The following HMCN1 variants were observed in gnomAD, a reference collection of about 807,000 sequenced individuals.
HMCN1 encodes the protein hemicentin 1.
Under a neutral mutation model 625.9 loss-of-function variants are expected in HMCN1, and 321 were observed. The observed-to-expected ratio is 0.51, with a 90% CI of 0.47 to 0.56. The LOEUF (loss-of-function observed/expected upper bound fraction) is 0.56, where lower values mean the gene tolerates loss of function less well. HMCN1 is among the 20% of genes least tolerant of loss of function. The probability of loss-of-function intolerance (pLI) is 0.00; values close to 1 mark genes in which losing one functional copy is unlikely to be tolerated. For synonymous variants in HMCN1, 2,425 were observed against 2,417.6 expected (o/e 1.00, Z -0.09); for missense variants, 6,588 against 6,887.3 (o/e 0.96, Z 1.54).
rs575996609 is a variant in HMCN1 at position 186,033,883 on chromosome 1, A to AT, written c.5750-4041dup. 2.7e-3 allele frequency among the ~76,000 whole-genome samples: 402 copies of AT among 147,294 alleles called. 5 individuals are homozygous for AT. Among genetic ancestry groups the AT allele is most frequent in the South Asian group, 0.02 (93 of 4,672 alleles). Reference sequence around the variant, plus strand: ...TTCTCTCCTCATGGTTTTTATTGTCATTTTTTTTTTGTTGCTGGTTTTCAT... The same window carrying AT: ...TTCTCTCCTCATGGTTTTTATTGTCATTTTTTTTTTTGTTGCTGGTTTTCAT... On this transcript the variant is annotated intron_variant, in intron 36 of 106. Transcript: ENST00000271588.
At chr1:185,878,697 G>T (rs574738510) in intron 4 of HMCN1, among the ~76,000 whole-genome samples, 1 of 152,064 alleles carries the variant, frequency 6.6e-6, no homozygotes, top group East Asian at 1.9e-4. Flanking sequence ...CATTTTTACA[G>T]TACTTCTCTC....
chr1:185,787,687 C>G (rs1204320653), intron 1 of HMCN1, among the ~76,000 whole-genome samples: 1 of 152,118 alleles, frequency 6.6e-6, no homozygotes, highest in Admixed American at 6.5e-5. Flanking sequence ...TGTATTTTAC[C>G]TGTGTATCTC....
At chr1:185,868,395 C>A (rs756922914) in intron 4 of HMCN1, among the ~76,000 whole-genome samples, 2 of 152,266 alleles carry the variant, frequency 1.3e-5, no homozygotes, top group South Asian at 4.2e-4. Flanking sequence ...TTCCCATAAT[C>A]CCCACATGTC....
At chr1:185,788,274 A>G (rs1041261984) in intron 1 of HMCN1, among the ~76,000 whole-genome samples, 7 of 152,386 alleles carry the variant, frequency 4.6e-5, no homozygotes, top group Non-Finnish European at 2.9e-5. Flanking sequence ...TAAAATTGTC[A>G]GTTCAACACA....
At chr1:185,780,417 T>G (rs1656983354) in intron 1 of HMCN1, among the ~76,000 whole-genome samples, 1 of 152,204 alleles carries the variant, frequency 6.6e-6, no homozygotes, top group South Asian at 2.1e-4. Context: ...GGCATCCCTG[T>G]CTTGTGCCAG....
At chr1:185,976,177 G>A (rs923557827) in intron 15 of HMCN1, among the ~76,000 whole-genome samples, 2 of 152,138 alleles carry the variant, frequency 1.3e-5, no homozygotes, top group Non-Finnish European at 2.9e-5. Context: ...CAACTGGTAA[G>A]AGATGGCATC....
chr1:185,922,124 A>T (rs1667033444), intron 6 of HMCN1, among the ~76,000 whole-genome samples: 1 of 152,104 alleles, frequency 6.6e-6, no homozygotes, highest in Non-Finnish European at 1.5e-5. Flanking sequence ...TAGTGACTAA[A>T]CCCTTACATC....
chr1:186,182,352 GT>G lies in HMCN1; in HGVS notation c.16414+73del, dbSNP rs542413185. The G allele has an allele frequency of 6.8e-4, 1,086 of 1,591,324 alleles. 3 individuals carry two copies. The highest frequency in any genetic ancestry group is 8.4e-4 in the Non-Finnish European group (981 of 1,161,490). The stretch of plus-strand genomic sequence containing the variant: ...TAAAAACCAACAGAGAGTGTGAGAA[GT>G]TTTTTTTCAATAATCATTCTCCTAG... On this transcript the variant is annotated intron_variant, in intron 105 of 106. Transcript: ENST00000271588.
At chr1:185,978,437 C>A (rs1407824560) in intron 16 of HMCN1, among the ~76,000 whole-genome samples, 1 of 152,092 alleles carries the variant, frequency 6.6e-6, no homozygotes, top group Non-Finnish European at 1.5e-5. Flanking sequence ...AGCAAAAGAT[C>A]CCTGCCACCC....
At chr1:185,757,408 A>G (rs1203846361) in intron 1 of HMCN1, among the ~76,000 whole-genome samples, 2 of 152,108 alleles carry the variant, frequency 1.3e-5, no homozygotes, top group African/African-American at 2.4e-5. Flanking sequence ...ATGCCATGTT[A>G]TATGCAGCTC....
chr1:186,007,402 G>A lies in HMCN1; in HGVS notation c.4630+120G>A, dbSNP rs1013490326. On this transcript the variant is annotated intron_variant, in intron 30 of 106. Coordinates refer to ENST00000271588, the MANE Select transcript of HMCN1 (RefSeq NM_031935.3). The stretch of plus-strand genomic sequence containing the variant: ...TAATTTGGAATACTACATACTTCAA[G>A]AGAAGAAGGAGCTTATCTTCATGTG... 8.1e-6 allele frequency: 7 copies of A among 864,678 alleles called. No individual in the cohort carries two copies. In the African/African-American group the frequency reaches 1.0e-4, roughly 13 times the overall value. 53.6% of individuals were successfully genotyped at this position (864,678 alleles called of 1,614,324 possible).
intron 1 of HMCN1, among the ~76,000 whole-genome samples, chr1:185,757,011 G>C (rs765124708): frequency 4.6e-5 from 7 of 152,054 alleles, no homozygotes; most frequent in Non-Finnish European, 7.4e-5. Context: ...TTTCACTCTT[G>C]TTGCCCAGGC....
intron 2 of HMCN1, among the ~76,000 whole-genome samples, chr1:185,863,297 C>T (rs1179597119): frequency 6.6e-6 from 1 of 152,138 alleles, no homozygotes; most frequent in Non-Finnish European, 1.5e-5. Flanking sequence ...GGTATTTTAG[C>T]TTATTTGTTG....
intron 4 of HMCN1, among the ~76,000 whole-genome samples, chr1:185,877,321 C>CTTTTTTT (rs71557837): frequency 1.4e-4 from 5 of 34,872 alleles, no homozygotes; most frequent in East Asian, 1.4e-3. Context: ...ATGTGTCTTT[C>CTTTTTTT]TTTTTTTTTT....
At position 185,744,786 on chromosome 1, in the gene HMCN1, CA is replaced by C. The variant is rs557435796; in HGVS notation, c.268+9740del. On this transcript the variant is annotated intron_variant, in intron 1 of 106. Transcript: ENST00000271588. Reference sequence around the variant, plus strand: ...CATGAATAAAAGCAGTTTAATCAAACATTGAGGAGTTTGGATTTCATCCTGA... The same window carrying C: ...CATGAATAAAAGCAGTTTAATCAAACTTGAGGAGTTTGGATTTCATCCTGA... Among the ~76,000 whole-genome samples, 223 of 152,244 alleles carry C rather than the reference CA, an allele frequency of 1.5e-3. 1 individual carries two copies. Among genetic ancestry groups the C allele is most frequent in the African/African-American group, 5.2e-3 (217 of 41,546 alleles).
At chr1:185,804,107 A>AT (rs1557982175) in intron 1 of HMCN1, among the ~76,000 whole-genome samples, 1 of 152,026 alleles carries the variant, frequency 6.6e-6, no homozygotes, top group Non-Finnish European at 1.5e-5. Flanking sequence ...TACTAGTCAG[A>AT]TTTTTTTAAA....
At chr1:186,148,935 C>CTTTTTTTTTTTTTTTT (rs57126500) in intron 93 of HMCN1, among the ~76,000 whole-genome samples, 1 of 143,304 alleles carries the variant, frequency 7.0e-6, no homozygotes, top group Non-Finnish European at 1.5e-5. Context: ...TGAAAGGAAT[C>CTTTTTTTTTTTTTTTT]TTTTTTTTTT....
In HMCN1 at chr1:186,115,299, A is replaced by C. The variant is rs370349815; in HGVS notation, c.11446A>C (p.Ile3816Leu). 10 of 1,613,920 alleles carry C rather than the reference A, an allele frequency of 6.2e-6. No individual in the cohort carries two copies. In the African/African-American group the frequency reaches 1.2e-4, roughly 19 times the overall value. ...IAPGPTNMTV[I>L]VNVQTTLACE... ...TCCGGGTCCTACCAACATGACTGTA[A>C]TAGTAAATGTTCAAACTACTCTGGC... is the stretch of plus-strand genomic sequence containing the variant. The change falls in exon 75 of 107, where the codon ATA (isoleucine) becomes CTA (leucine). Residue 3816 changes from isoleucine to leucine, a missense_variant. Around this residue, in one of 3 missense-constraint regions of HMCN1, gnomAD observed 4,628 missense variants for 4,853.1 expected, o/e 0.95. Coordinates refer to ENST00000271588, the MANE Select transcript of HMCN1 (RefSeq NM_031935.3).
intron 1 of HMCN1, among the ~76,000 whole-genome samples, chr1:185,830,042 C>G (rs1162292535): frequency 6.6e-6 from 1 of 152,082 alleles, no homozygotes; most frequent in Non-Finnish European, 1.5e-5. Context: ...GCATAAATGT[C>G]TTCTTTGGAG....
Sources: gnomAD v4.1 joint callset for allele counts (sites outside exome capture counted in the v4.1 genomes callset) on GRCh38, gnomAD v4.1.1 for gene constraint, gnomAD v4.1.1 regional missense constraint, MANE v1.5 for transcripts, NCBI Gene and HGNC (gene_info 2026-07-23, HGNC 2026-07-21) for gene names.